Variants in EFL1 observed in about 807,000 individuals in gnomAD.
EFL1 encodes the protein elongation factor-like GTPase 1.
A neutral mutation model predicts 126.7 loss-of-function variants in EFL1; 76 were observed. The observed-to-expected ratio is 0.60, with a 90% CI of 0.50 to 0.73. The LOEUF (loss-of-function observed/expected upper bound fraction) is 0.73, where lower values mean the gene tolerates loss of function less well. Among genes scored for constraint, EFL1 ranks in the 30% least tolerant of loss-of-function variants. EFL1 has a pLI of 0.00. For synonymous variants in EFL1, 410 were observed against 448.4 expected (o/e 0.91, Z 1.08); for missense variants, 1,128 against 1,343.2 (o/e 0.84, Z 2.50).
At chr15:82,145,835 T>C (rs2073839379) in intron 18 of EFL1, among the ~76,000 whole-genome samples, 1 of 85,972 alleles carries the variant, frequency 1.2e-5, no homozygotes, top group South Asian at 3.2e-4. Context: ...AAACTCCATC[T>C]CAAAAAACCA....
intron 15 of EFL1, among the ~76,000 whole-genome samples, chr15:82,178,438 T>C (rs1055165331): frequency 5.3e-5 from 8 of 152,216 alleles, no homozygotes; most frequent in Admixed American, 1.3e-4. Flanking sequence ...GCCCAAACTC[T>C]GCAGTAGTTT....
At chr15:82,157,174 T>C (rs1380508316) in intron 17 of EFL1, among the ~76,000 whole-genome samples, 1 of 152,220 alleles carries the variant, frequency 6.6e-6, no homozygotes, top group Admixed American at 6.5e-5. Flanking sequence ...TTCTGCATGA[T>C]AACTGAATGA....
intron 8 of EFL1, among the ~76,000 whole-genome samples, chr15:82,229,314 G>A (rs1003126513): frequency 6.6e-6 from 1 of 151,932 alleles, no homozygotes; most frequent in Admixed American, 6.6e-5. Flanking sequence ...CTTTCCTCTG[G>A]GAACCATAGA....
intron 14 of EFL1, among the ~76,000 whole-genome samples, chr15:82,217,771 G>A (rs2074666213): frequency 6.6e-6 from 1 of 152,124 alleles, no homozygotes; most frequent in African/African-American, 2.4e-5. Context: ...CCTGTGACTT[G>A]CTTCTTCTAA....
At chr15:82,136,574 A>G (rs1046644373) in intron 19 of EFL1, among the ~76,000 whole-genome samples, 4 of 152,216 alleles carry the variant, frequency 2.6e-5, no homozygotes, top group African/African-American at 9.7e-5. Context: ...GTGGTAGAGG[A>G]TGCTGTAATG....
At chr15:82,169,384 T>C (rs561816104) in intron 15 of EFL1, among the ~76,000 whole-genome samples, 1 of 152,150 alleles carries the variant, frequency 6.6e-6, no homozygotes, top group South Asian at 2.1e-4. Context: ...TGATCCTTTC[T>C]TGGAGCATAA....
At chr15:82,145,560 G>A (rs879704779) in intron 18 of EFL1, among the ~76,000 whole-genome samples, 2 of 151,818 alleles carry the variant, frequency 1.3e-5, no homozygotes, top group African/African-American at 2.4e-5. Flanking sequence ...GGCTGGGCAC[G>A]GTGGCTCATG....
intron 15 of EFL1, among the ~76,000 whole-genome samples, chr15:82,190,611 T>C (rs74482145): frequency 2.6e-5 from 4 of 152,218 alleles, no homozygotes; most frequent in Admixed American, 2.6e-4. Context: ...AGTTTTATTA[T>C]AAATTTATTT....
intron 15 of EFL1, among the ~76,000 whole-genome samples, chr15:82,198,078 C>A (rs1215656602): frequency 1.3e-5 from 2 of 152,206 alleles, no homozygotes; most frequent in South Asian, 4.1e-4. Flanking sequence ...ACAGGCTACA[C>A]GTTTTACACA....
At chr15:82,140,772 C>T (rs1259922161) in intron 18 of EFL1, among the ~76,000 whole-genome samples, 6 of 152,130 alleles carry the variant, frequency 3.9e-5, no homozygotes, top group Admixed American at 6.6e-5. Flanking sequence ...CTATTTCCCC[C>T]GTCATTCATA....
Position 82,169,260 on chromosome 15 carries a change from A to G in EFL1, c.1751-5276T>C, listed in dbSNP as rs557595461. On this transcript the variant is annotated intron_variant, in intron 15 of 19. Transcript: ENST00000268206. Reference sequence around the variant, plus strand: ...ACAGGACAAAAAGAATCTACAGAGGATCTACCCAAAAAGGATCTACCCACA... The same window carrying G: ...ACAGGACAAAAAGAATCTACAGAGGGTCTACCCAAAAAGGATCTACCCACA... 2.0e-5 allele frequency among the ~76,000 whole-genome samples: 3 copies of G among 152,282 alleles called. No individual in the cohort carries two copies. In the East Asian group the frequency reaches 5.8e-4, roughly 29 times the overall value.
chr15:82,257,266 TTA>T (rs1234407261), intron 3 of EFL1, among the ~76,000 whole-genome samples: 4 of 152,222 alleles, frequency 2.6e-5, no homozygotes, highest in African/African-American at 9.6e-5. Context: ...TTATATCCTA[TTA>T]TTACCTTATT....
At chr15:82,166,181 T>C (rs543034413) in intron 15 of EFL1, among the ~76,000 whole-genome samples, 1 of 152,328 alleles carries the variant, frequency 6.6e-6, no homozygotes, top group Non-Finnish European at 1.5e-5. Flanking sequence ...ACACAGCACA[T>C]GGTTTCAATG....
chr15:82,145,637 G>T (rs2073836566), intron 18 of EFL1, among the ~76,000 whole-genome samples: 1 of 151,814 alleles, frequency 6.6e-6, no homozygotes, highest in Admixed American at 6.6e-5. Flanking sequence ...TTCAAGACCA[G>T]CCTGGCCAAC....
At chr15:82,259,598 T>C (rs1322685633) in intron 2 of EFL1, among the ~76,000 whole-genome samples, 1 of 152,194 alleles carries the variant, frequency 6.6e-6, no homozygotes, top group Non-Finnish European at 1.5e-5. Context: ...TGAAACCTAG[T>C]ATCCAAATCT....
chr15:82,187,379 G>A (rs2074314781), intron 15 of EFL1, among the ~76,000 whole-genome samples: 1 of 152,146 alleles, frequency 6.6e-6, no homozygotes, highest in Non-Finnish European at 1.5e-5. Flanking sequence ...TTTCTACTTT[G>A]CTCTAAGAGT....
At chr15:82,250,025 C>T (rs1255104738) in intron 4 of EFL1, among the ~76,000 whole-genome samples, 3 of 151,990 alleles carry the variant, frequency 2.0e-5, no homozygotes, top group Admixed American at 6.6e-5. Flanking sequence ...AGAGGGCATT[C>T]GAAGTGGGTG....
At chr15:82,200,383 A>G (rs1349936397) in intron 15 of EFL1, among the ~76,000 whole-genome samples, 1 of 152,230 alleles carries the variant, frequency 6.6e-6, no homozygotes, top group African/African-American at 2.4e-5. Context: ...GGCAGAGGCA[A>G]TTGAGTCTTG....
intron 18 of EFL1, among the ~76,000 whole-genome samples, chr15:82,147,006 G>C (rs1162101159): frequency 6.6e-6 from 1 of 152,044 alleles, no homozygotes; most frequent in Non-Finnish European, 1.5e-5. Context: ...TATTATCCTA[G>C]GGTGGCCTGG....
Sources: gnomAD v4.1 joint callset for allele counts (sites outside exome capture counted in the v4.1 genomes callset) on GRCh38, gnomAD v4.1.1 for gene constraint, MANE v1.5 for transcripts, NCBI Gene and HGNC (gene_info 2026-07-23, HGNC 2026-07-21) for gene names.